Variants in ATP10B observed in about 807,000 individuals in gnomAD.
ATP10B encodes ATPase phospholipid transporting 10B (putative), also known as phospholipid-transporting ATPase VB.
ATP10B carries 122 observed loss-of-function variants against 141.2 expected under a neutral mutation model. The ratio of observed to expected loss-of-function variants is 0.86; its 90% CI spans 0.75 to 1.00. The LOEUF (loss-of-function observed/expected upper bound fraction) is 1.00. ATP10B is among the 50% of genes least tolerant of loss of function. ATP10B has a pLI of 0.00. For missense variants in ATP10B, 1,876 were observed against 1,825.3 expected, an observed-to-expected ratio of 1.03 and a Z score of -0.51; for synonymous variants, 685 against 692.0, an observed-to-expected ratio of 0.99 and a Z score of 0.16.
the ATP10B span, among the ~76,000 whole-genome samples, chr5:160,928,293 T>TA: frequency 6.6e-6 from 1 of 152,200 alleles, no homozygotes; most frequent in Admixed American, 6.5e-5. Flanking sequence ...CAGGGACTCT[T>TA]AACAGTCTCC....
intron 25 of ATP10B, among the ~76,000 whole-genome samples, chr5:160,568,317 A>G (rs7737928): frequency 0.13 from 20,356 of 152,144 alleles, 1,685 homozygotes; most frequent in African/African-American, 0.21. Flanking sequence ...TGGAGAGAAC[A>G]TAAAGTTAGA....
the ATP10B span, among the ~76,000 whole-genome samples, chr5:160,897,630 A>G: frequency 6.6e-6 from 1 of 152,348 alleles, no homozygotes; most frequent in African/African-American, 2.4e-5. Context: ...TAGTTTATAG[A>G]TTCAATGCTA....
In ATP10B at chr5:160,785,755, A is replaced by G. The variant is rs1771099400; in HGVS notation, c.-527T>C. The G allele has an allele frequency of 9.0e-7, 1 of 1,116,302 alleles. No homozygotes were observed. The allele number at this position is 1,116,302 out of a possible 1,614,324, so 69.1% of individuals were successfully genotyped here. A position where few individuals can be genotyped will look rare whatever the true frequency, so the allele number is the denominator to read the frequency against. On this transcript the variant is annotated 5_prime_UTR_variant, in exon 2 of 26. It removes an upstream start codon present in the reference 5' UTR. Coordinates refer to ENST00000327245, the MANE Select transcript of ATP10B (RefSeq NM_025153.3). The stretch of plus-strand genomic sequence containing the variant: ...ACTTACTCTTCACACTGTTGCTTTC[A>G]TTGAAACAAATGTCACCAGTCGGTT...
At chr5:160,599,283 T>C (rs898376072) in intron 21 of ATP10B, among the ~76,000 whole-genome samples, 6 of 152,162 alleles carry the variant, frequency 3.9e-5, no homozygotes, top group African/African-American at 1.4e-4. Context: ...AAATGATGTA[T>C]GGCAAGCCCC....
the ATP10B span, among the ~76,000 whole-genome samples, chr5:160,874,259 C>G: frequency 1.6e-5 from 1 of 62,898 alleles, no homozygotes; most frequent in African/African-American, 3.7e-5. Context: ...TGGGAGGCAC[C>G]CCCCAGGAGG....
chr5:160,920,497 C>T, the ATP10B span, among the ~76,000 whole-genome samples: 1 of 152,226 alleles, frequency 6.6e-6, no homozygotes, highest in Non-Finnish European at 1.5e-5. Flanking sequence ...CGCTCTCAAG[C>T]ATGGGACATG....
chr5:160,665,914 T>C (rs750462084), intron 7 of ATP10B, among the ~76,000 whole-genome samples: 41 of 152,162 alleles, frequency 2.7e-4, no homozygotes, highest in Non-Finnish European at 4.7e-4. Context: ...TTAATACTTA[T>C]TATGTAAGAT....
intron 3 of ATP10B, among the ~76,000 whole-genome samples, chr5:160,708,526 C>A (rs1251027924): frequency 6.6e-6 from 1 of 152,192 alleles, no homozygotes; most frequent in Non-Finnish European, 1.5e-5. Flanking sequence ...GATATGACAT[C>A]TAGGCAGCTT....
chr5:160,632,539 A>G (rs901871459), intron 12 of ATP10B, 172 bp from the exon 13 acceptor site: 2 of 569,304 alleles, frequency 3.5e-6, no homozygotes, highest in African/African-American at 3.7e-5. Context: ...ACTAAGTCCC[A>G]CAGATTCAAA....
chr5:160,909,283 C>G, the ATP10B span, among the ~76,000 whole-genome samples: 2 of 151,946 alleles, frequency 1.3e-5, no homozygotes, highest in Non-Finnish European at 2.9e-5. Context: ...ACAGCCAATG[C>G]TGTGTGTGTG....
At chr5:160,834,355 G>C (rs1214273433) in intron 1 of ATP10B, among the ~76,000 whole-genome samples, 4 of 151,872 alleles carry the variant, frequency 2.6e-5, no homozygotes, top group Admixed American at 6.6e-5. Flanking sequence ...AAATAAAATG[G>C]TGATCAAACC....
chr5:160,885,447 C>T, the ATP10B span, among the ~76,000 whole-genome samples: 1 of 152,174 alleles, frequency 6.6e-6, no homozygotes, highest in Admixed American at 6.5e-5. Context: ...AACAATGGAC[C>T]CAGAAATAAC....
At chr5:160,653,152 A>AATACATAATATATATTATAT (rs1761027981) in intron 7 of ATP10B, among the ~76,000 whole-genome samples, 1 of 131,634 alleles carries the variant, frequency 7.6e-6, no homozygotes, top group African/African-American at 2.9e-5. Flanking sequence ...ATATATTATA[A>AATACATAATATATATTATAT]ATACATAATA....
chr5:160,733,622 T>TA (rs1267941065), intron 2 of ATP10B, among the ~76,000 whole-genome samples: 20 of 151,908 alleles, frequency 1.3e-4, no homozygotes, highest in South Asian at 4.2e-4. Context: ...ACACATATAT[T>TA]ACACATATAT....
At chr5:160,618,157 A>G (rs888747) in intron 15 of ATP10B, among the ~76,000 whole-genome samples, 184 bp from the exon 16 acceptor site, 110,258 of 152,028 alleles carry the variant, frequency 0.73, 40,634 homozygotes, top group East Asian at 0.84. Context: ...TAATGCAGGG[A>G]GTCCTTAAGC....
At chr5:160,881,986 A>T in the ATP10B span, among the ~76,000 whole-genome samples, 2 of 152,200 alleles carry the variant, frequency 1.3e-5, no homozygotes, top group African/African-American at 4.8e-5. Flanking sequence ...CCTTAAATGC[A>T]TATTACTAAG....
intron 2 of ATP10B, among the ~76,000 whole-genome samples, chr5:160,765,872 A>T (rs999124515): frequency 1.3e-5 from 2 of 152,136 alleles, no homozygotes; most frequent in African/African-American, 2.4e-5. Flanking sequence ...AAAACAAATA[A>T]TCCCATCAAA....
At chr5:160,692,337 G>T (rs986010218) in intron 3 of ATP10B, among the ~76,000 whole-genome samples, 4 of 152,102 alleles carry the variant, frequency 2.6e-5, no homozygotes, top group African/African-American at 9.7e-5. Context: ...CTTTTTAGTG[G>T]AGAAATGTGG....
At chr5:160,638,525 C>A (rs777009741) in intron 10 of ATP10B, among the ~76,000 whole-genome samples, 16 of 152,088 alleles carry the variant, frequency 1.1e-4, no homozygotes, top group Non-Finnish European at 2.2e-4. Flanking sequence ...TTCCCCTCCC[C>A]CAGGTGCTCT....
Sources: allele counts gnomAD v4.1 joint callset (sites outside exome capture counted in the v4.1 genomes callset), GRCh38; gene constraint gnomAD v4.1.1; transcripts MANE v1.5; gene names NCBI Gene and HGNC (gene_info 2026-07-23, HGNC 2026-07-21).